Variants in CTNND2 observed in about 807,000 individuals in gnomAD.
CTNND2 encodes catenin delta 2, also known as catenin delta-2.
CTNND2 carries 22 observed loss-of-function variants against 144.4 expected under a neutral mutation model. The ratio of observed to expected loss-of-function variants is 0.15; its 90% confidence interval spans 0.11 to 0.22. CTNND2 has a LOEUF of 0.22. Among genes scored for constraint, CTNND2 ranks in the 10% least tolerant of loss-of-function variants. The probability of loss-of-function intolerance (pLI) is 1.00; values close to 1 mark genes in which losing one functional copy is unlikely to be tolerated. For missense variants in CTNND2, 1,353 were observed against 1,618.8 expected (o/e 0.84, Z 2.82); for synonymous variants, 751 against 695.6 (o/e 1.08, Z -1.25).
chr5:11,141,042 C>A (rs909191307), intron 12 of CTNND2, among the ~76,000 whole-genome samples: 1 of 152,116 alleles, frequency 6.6e-6, no homozygotes. Flanking sequence ...GCAGCCTCTA[C>A]CTCCCAGGCT....
chr5:11,345,478 A>G (rs1025574928), intron 9 of CTNND2, among the ~76,000 whole-genome samples: 1 of 152,140 alleles, frequency 6.6e-6, no homozygotes, highest in African/African-American at 2.4e-5. Flanking sequence ...TCTTTTTGCA[A>G]AAAAATCTAT....
At chr5:11,485,368 TGTGTGTGCGCGC>T (rs1768705182) in intron 3 of CTNND2, among the ~76,000 whole-genome samples, 1 of 126,466 alleles carries the variant, frequency 7.9e-6, no homozygotes, top group African/African-American at 2.6e-5. Flanking sequence ...TGTGTGTGTG[TGTGTGTGCGCGC>T]GCGCGCGTGC....
intron 18 of CTNND2, among the ~76,000 whole-genome samples, chr5:11,011,707 C>T (rs1033584144): frequency 1.3e-5 from 2 of 152,170 alleles, no homozygotes; most frequent in African/African-American, 2.4e-5. Flanking sequence ...GTTTGAATGG[C>T]CTGGCTTGTC....
intron 2 of CTNND2, among the ~76,000 whole-genome samples, chr5:11,669,708 C>A (rs1227358882): frequency 6.6e-6 from 1 of 151,844 alleles, no homozygotes; most frequent in Non-Finnish European, 1.5e-5. Flanking sequence ...CTGCTGGATT[C>A]ATTGATTTTT....
intron 1 of CTNND2, among the ~76,000 whole-genome samples, chr5:11,839,701 T>A (rs1030303527): frequency 1.3e-5 from 2 of 152,040 alleles, no homozygotes; most frequent in African/African-American, 2.4e-5. Context: ...AGCTTCACAG[T>A]AGTCCTATCT....
intron 1 of CTNND2, among the ~76,000 whole-genome samples, chr5:11,871,993 C>T (rs1735168800): frequency 6.6e-6 from 1 of 152,084 alleles, no homozygotes; most frequent in African/African-American, 2.4e-5. Flanking sequence ...ATCAACCTGT[C>T]ATCTACATTA....
intron 18 of CTNND2, among the ~76,000 whole-genome samples, chr5:11,010,060 A>C (rs1740914659): frequency 6.6e-6 from 1 of 152,260 alleles, no homozygotes; most frequent in Non-Finnish European, 1.5e-5. Flanking sequence ...GTGATTTAGA[A>C]AAGAAAGAAC....
At chr5:11,347,866 A>G (rs568934049) in intron 8 of CTNND2, among the ~76,000 whole-genome samples, 3 of 152,348 alleles carry the variant, frequency 2.0e-5, no homozygotes, top group South Asian at 4.1e-4. Flanking sequence ...TCATGCTGAG[A>G]AAATAATTAT....
At chr5:11,289,699 C>A (rs1748122909) in intron 9 of CTNND2, among the ~76,000 whole-genome samples, 1 of 152,204 alleles carries the variant, frequency 6.6e-6, no homozygotes, top group African/African-American at 2.4e-5. Context: ...CTTCTGTAAC[C>A]TCTAAAAGAG....
intron 1 of CTNND2, among the ~76,000 whole-genome samples, chr5:11,813,599 T>C (rs1322001916): frequency 1.3e-5 from 2 of 152,322 alleles, no homozygotes; most frequent in Non-Finnish European, 2.9e-5. Context: ...ATATATCTCA[T>C]TCTAAGTCAA....
intron 1 of CTNND2, among the ~76,000 whole-genome samples, chr5:11,741,641 C>G (rs964290781): frequency 5.3e-5 from 8 of 151,562 alleles, no homozygotes; most frequent in Non-Finnish European, 1.0e-4. Context: ...ATGGGTGTAG[C>G]AAACCAACAT....
intron 3 of CTNND2, among the ~76,000 whole-genome samples, chr5:11,521,602 G>C (rs1243770638): frequency 3.9e-5 from 6 of 152,200 alleles, no homozygotes; most frequent in Non-Finnish European, 8.8e-5. Context: ...CTTCAAAACA[G>C]TTTACCACAG....
At chr5:11,020,656 T>C (rs1742145425) in intron 17 of CTNND2, among the ~76,000 whole-genome samples, 1 of 152,154 alleles carries the variant, frequency 6.6e-6, no homozygotes, top group East Asian at 1.9e-4. Flanking sequence ...AAAGCAATAA[T>C]AAAACTGAAG....
In CTNND2 at chr5:11,510,702, G is replaced by A. The variant is rs1469750875; in HGVS notation, c.287+54242C>T. 7.9e-5 allele frequency among the ~76,000 whole-genome samples: 12 copies of A among 152,114 alleles called. 1 individual carries two copies. Among genetic ancestry groups the A allele is most frequent in the South Asian group, 4.1e-4 (2 of 4,822 alleles). On this transcript the variant is annotated intron_variant, in intron 3 of 21. Transcript: ENST00000304623. The stretch of plus-strand genomic sequence containing the variant: ...TCCCAGCACTTTGGGAGGCCAAGGC[G>A]GGCGGATCACTTGAGGCCAGGTGTT...
intron 1 of CTNND2, among the ~76,000 whole-genome samples, chr5:11,790,788 G>A (rs1222199873): frequency 6.6e-6 from 1 of 152,204 alleles, no homozygotes; most frequent in Non-Finnish European, 1.5e-5. Flanking sequence ...GGGACAATCT[G>A]ACAGTGGAGG....
At chr5:11,799,360 T>C (rs995459976) in intron 1 of CTNND2, among the ~76,000 whole-genome samples, 1 of 152,210 alleles carries the variant, frequency 6.6e-6, no homozygotes, top group Non-Finnish European at 1.5e-5. Context: ...TTTTTATCTC[T>C]GAATAAAGAT....
intron 2 of CTNND2, among the ~76,000 whole-genome samples, chr5:11,679,673 T>C (rs1280625778): frequency 6.6e-6 from 1 of 152,206 alleles, no homozygotes; most frequent in Non-Finnish European, 1.5e-5. Flanking sequence ...CTCTTTACTT[T>C]CTGCACCCAA....
chr5:11,522,148 C>A (rs531516913), intron 3 of CTNND2, among the ~76,000 whole-genome samples: 200 of 152,288 alleles, frequency 1.3e-3, no homozygotes, highest in African/African-American at 4.5e-3. Context: ...AAATAGAGAG[C>A]ACTTATTTAA....
intron 1 of CTNND2, among the ~76,000 whole-genome samples, chr5:11,744,886 C>T (rs986970985): frequency 1.3e-5 from 2 of 151,984 alleles, no homozygotes; most frequent in Admixed American, 1.3e-4. Flanking sequence ...CAGGCATGTG[C>T]CACCGCGTCC....
Sources: allele counts gnomAD v4.1 joint callset (sites outside exome capture counted in the v4.1 genomes callset), GRCh38; gene constraint gnomAD v4.1.1; transcripts MANE v1.5; gene names NCBI Gene and HGNC (gene_info 2026-07-23, HGNC 2026-07-21).